The following ENOX1 variants were observed in gnomAD, a reference collection of about 807,000 sequenced individuals.
ENOX1 encodes the protein candidate growth-related and time keeping constitutive hydroquinone (NADH) oxidase.
ENOX1 carries 42 observed loss-of-function variants against 82.5 expected under a neutral mutation model. The ratio of observed to expected loss-of-function variants is 0.51; its 90% CI spans 0.40 to 0.66. The LOEUF (loss-of-function observed/expected upper bound fraction) is 0.66. Among genes scored for constraint, ENOX1 ranks in the 30% least tolerant of loss-of-function variants. The probability of loss-of-function intolerance (pLI) is 0.00; values close to 1 mark genes in which losing one functional copy is unlikely to be tolerated. For missense variants in ENOX1, 608 were observed against 811.6 expected (o/e 0.75, Z 3.05); for synonymous variants, 271 against 282.2 (o/e 0.96, Z 0.40).
chr13:43,567,645 G>A (rs1346943592), intron 2 of ENOX1, among the ~76,000 whole-genome samples: 1 of 152,050 alleles, frequency 6.6e-6, no homozygotes, highest in Admixed American at 6.5e-5. Flanking sequence ...TAGAGGAAAG[G>A]AACCGAGACA....
intron 1 of ENOX1, among the ~76,000 whole-genome samples, chr13:43,680,758 C>T (rs1043968643): frequency 6.6e-6 from 1 of 152,162 alleles, no homozygotes; most frequent in African/African-American, 2.4e-5. Context: ...AGTATCATCC[C>T]TGTGAACATA....
chr13:43,753,908 T>C (rs1950453862), intron 1 of ENOX1, among the ~76,000 whole-genome samples: 1 of 138,336 alleles, frequency 7.2e-6, no homozygotes, highest in Non-Finnish European at 1.6e-5. Context: ...CCTTATCCAA[T>C]TACGACCAGA....
intron 2 of ENOX1, among the ~76,000 whole-genome samples, chr13:43,563,678 G>A (rs2153706475): frequency 6.6e-6 from 1 of 152,060 alleles, no homozygotes; most frequent in South Asian, 2.1e-4. Flanking sequence ...AATAAAAACA[G>A]ATGAAAAAGG....
intron 1 of ENOX1, among the ~76,000 whole-genome samples, chr13:43,706,588 T>C (rs2087305536): frequency 6.6e-6 from 1 of 151,990 alleles, no homozygotes; most frequent in East Asian, 1.9e-4. Context: ...CAAGATTAGT[T>C]CAACATTCAA....
At chr13:43,587,781 T>C (rs1029361340) in intron 2 of ENOX1, among the ~76,000 whole-genome samples, 2 of 152,212 alleles carry the variant, frequency 1.3e-5, no homozygotes, top group South Asian at 4.1e-4. Context: ...TGTGGGTACA[T>C]AACAATTTCA....
intron 16 of ENOX1, among the ~76,000 whole-genome samples, chr13:43,217,351 C>T (rs896948478): frequency 6.6e-6 from 1 of 152,208 alleles, no homozygotes; most frequent in South Asian, 2.1e-4. Context: ...CGGGCACCCC[C>T]ACATTAACCA....
chr13:43,453,379 TAAAACA>T (rs974859267), intron 3 of ENOX1, among the ~76,000 whole-genome samples: 8 of 152,314 alleles, frequency 5.3e-5, no homozygotes, highest in African/African-American at 1.9e-4. Flanking sequence ...TGAGCTTCCT[TAAAACA>T]AAAACAAAAA....
chr13:43,513,504 A>G (rs562054704), intron 2 of ENOX1, among the ~76,000 whole-genome samples: 32 of 152,194 alleles, frequency 2.1e-4, no homozygotes, highest in Non-Finnish European at 4.0e-4. Context: ...GGACTGGGTA[A>G]CTAACAACAC....
chr13:43,270,074 A>G (rs1306908119), intron 12 of ENOX1, among the ~76,000 whole-genome samples: 1 of 152,214 alleles, frequency 6.6e-6, no homozygotes, highest in Non-Finnish European at 1.5e-5. Context: ...TCCAAACTGC[A>G]ATCAATATAT....
At chr13:43,383,819 T>A (rs895375606) in intron 5 of ENOX1, among the ~76,000 whole-genome samples, 2 of 152,232 alleles carry the variant, frequency 1.3e-5, no homozygotes, top group African/African-American at 4.8e-5. Flanking sequence ...TGCATGAATT[T>A]GTTGGGCAAT....
At chr13:43,575,503 T>C (rs1024120544) in intron 2 of ENOX1, among the ~76,000 whole-genome samples, 3 of 152,198 alleles carry the variant, frequency 2.0e-5, no homozygotes, top group African/African-American at 4.8e-5. Flanking sequence ...AAGATTTCCA[T>C]AGGTAGTGTT....
chr13:43,579,715 T>A (rs2080617040), intron 2 of ENOX1, among the ~76,000 whole-genome samples: 1 of 152,176 alleles, frequency 6.6e-6, no homozygotes, highest in African/African-American at 2.4e-5. Context: ...TAAAGAAAAT[T>A]GAAGGCAAAC....
chr13:43,682,999 T>A (rs2085872617), intron 1 of ENOX1, among the ~76,000 whole-genome samples: 1 of 152,200 alleles, frequency 6.6e-6, no homozygotes, highest in African/African-American at 2.4e-5. Context: ...AACAAAATCA[T>A]TAGCTAGTAA....
intron 2 of ENOX1, among the ~76,000 whole-genome samples, chr13:43,522,817 A>C (rs895433844): frequency 2.0e-5 from 3 of 152,190 alleles, no homozygotes; most frequent in African/African-American, 7.2e-5. Context: ...TAAAACTCAA[A>C]ACATTTGGAG....
intron 11 of ENOX1, among the ~76,000 whole-genome samples, chr13:43,312,719 T>C (rs2047276389): frequency 6.6e-6 from 1 of 152,190 alleles, no homozygotes; most frequent in Non-Finnish European, 1.5e-5. Context: ...GAAATAAATG[T>C]CACTCAATTA....
intron 2 of ENOX1, among the ~76,000 whole-genome samples, chr13:43,620,964 T>C (rs1241395479): frequency 6.6e-6 from 1 of 152,216 alleles, no homozygotes; most frequent in Non-Finnish European, 1.5e-5. Flanking sequence ...ATTGTGATAT[T>C]TTCCTGTTGA....
intron 2 of ENOX1, among the ~76,000 whole-genome samples, chr13:43,627,893 G>A (rs1174293703): frequency 6.6e-6 from 1 of 152,002 alleles, no homozygotes; most frequent in Non-Finnish European, 1.5e-5. Context: ...TTAGAATTAT[G>A]AGTTGATAAT....
chr13:43,462,951 C>G (rs1429697954), intron 3 of ENOX1, among the ~76,000 whole-genome samples: 1 of 152,152 alleles, frequency 6.6e-6, no homozygotes, highest in Admixed American at 6.5e-5. Flanking sequence ...AGTGCATAGT[C>G]GTTACGTTAA....
chr13:43,268,203 C>G (rs762365696), intron 13 of ENOX1, among the ~76,000 whole-genome samples: 14 of 152,222 alleles, frequency 9.2e-5, no homozygotes, highest in Admixed American at 5.2e-4. Context: ...CAGAAAACAA[C>G]AAAAGCTCAG....
Sources: gnomAD v4.1 joint callset for allele counts (sites outside exome capture counted in the v4.1 genomes callset) on GRCh38, gnomAD v4.1.1 for gene constraint, MANE v1.5 for transcripts, NCBI Gene and HGNC (gene_info 2026-07-23, HGNC 2026-07-21) for gene names.